Variants in RTF1 observed in about 807,000 individuals in gnomAD.
The protein encoded by RTF1 is RTF1 homolog, Paf1/RNA polymerase II complex component.
RTF1 carries 10 observed loss-of-function variants against 95.7 expected under a neutral mutation model. The ratio of observed to expected loss-of-function variants is 0.10; its 90% confidence interval spans 0.06 to 0.18. RTF1 has a LOEUF of 0.18. Ranked by LOEUF, RTF1 falls within the 10% of genes least tolerant of loss-of-function variation. The pLI is 1.00. For missense variants in RTF1, 458 were observed against 875.6 expected, an observed-to-expected ratio of 0.52 and a Z score of 6.02; for synonymous variants, 305 against 311.8, an observed-to-expected ratio of 0.98 and a Z score of 0.23.
At chr15:41,462,255 C>CT (rs2050853333) in intron 4 of RTF1, among the ~76,000 whole-genome samples, 1 of 152,066 alleles carries the variant, frequency 6.6e-6, no homozygotes, top group Non-Finnish European at 1.5e-5. Flanking sequence ...TCTTTGTAGT[C>CT]TTTTTTATGT....
rs2050981314 is a variant in RTF1, at chr15:41,482,330, A to C, written c.*1643A>C. 6.5e-6 allele frequency: 1 copy of C among 152,718 alleles called. No homozygotes were observed. Among genetic ancestry groups the C allele is most frequent in the Non-Finnish European group, 1.5e-5 (1 of 68,032 alleles). 9.5% of individuals were successfully genotyped at this position (152,718 alleles called of 1,614,324 possible). A position where few individuals can be genotyped will look rare whatever the true frequency, so the allele number is the denominator to read the frequency against. ...AGTACAGCTGACTATATATACCAAG[A>C]GCTAAGCTAAAGGAACAGCTGAGAG... On this transcript the variant is annotated 3_prime_UTR_variant, in exon 18 of 18. Transcript: ENST00000389629.
intron 8 of RTF1, 121 bp downstream of exon 8, chr15:41,471,470 C>A: frequency 9.7e-7 from 1 of 1,027,226 alleles, no homozygotes; most frequent in Non-Finnish European, 1.4e-6. Flanking sequence ...AAGTAGACTC[C>A]AAGTGGGATC....
chr15:41,467,006 G>T (rs892946241), intron 6 of RTF1, among the ~76,000 whole-genome samples: 4 of 152,134 alleles, frequency 2.6e-5, no homozygotes, highest in African/African-American at 9.7e-5. Flanking sequence ...TTAGGTAGTG[G>T]TATGTATTTC....
chr15:41,432,974 C>A (rs184528951), intron 1 of RTF1, among the ~76,000 whole-genome samples: 2 of 149,048 alleles, frequency 1.3e-5, no homozygotes, highest in Non-Finnish European at 3.0e-5. Flanking sequence ...ATACTGAGGT[C>A]GGCTGCGGTG....
chr15:41,452,150 C>T (rs2050792134), intron 2 of RTF1, among the ~76,000 whole-genome samples: 1 of 152,172 alleles, frequency 6.6e-6, no homozygotes, highest in South Asian at 2.1e-4. Context: ...AAAATCTAGG[C>T]TGGGGCCAGG....
At chr15:41,425,187 C>T (rs926680156) in intron 1 of RTF1, among the ~76,000 whole-genome samples, 1 of 151,994 alleles carries the variant, frequency 6.6e-6, no homozygotes, top group Non-Finnish European at 1.5e-5. Flanking sequence ...CTGCAAGCTT[C>T]GCCTCCCGGG....
At chr15:41,450,837 G>T (rs113901239) in intron 2 of RTF1, among the ~76,000 whole-genome samples, 7,789 of 151,950 alleles carry the variant, frequency 0.051, 433 homozygotes, top group African/African-American at 0.14. Context: ...TGTAGTCCCA[G>T]CTACTCAGGA....
At chr15:41,480,173 C>G in intron 16 of RTF1, 41 bp from the exon 17 acceptor site, 1 of 1,283,154 alleles carries the variant, frequency 7.8e-7, no homozygotes, top group Middle Eastern at 1.8e-4. Context: ...AATCCACTTG[C>G]ATTTATGCTC....
At position 41,483,176 on chromosome 15, in the gene RTF1, A is replaced by T. The variant is rs1408940782; in HGVS notation, c.*2489A>T. ...ATCTCAGCTGAGGCAGTGCCTCTGA[A>T]CCAAGATCTTGGTCAGGCATTAAGA... On this transcript the variant is annotated 3_prime_UTR_variant, in exon 18 of 18. Coordinates refer to ENST00000389629, the MANE Select transcript of RTF1 (RefSeq NM_015138.5). The T allele has an allele frequency of 6.6e-6, 1 of 152,466 alleles. No homozygotes were observed. Among genetic ancestry groups the T allele is most frequent in the East Asian group, 1.9e-4 (1 of 5,178 alleles). The allele number at this position is 152,466 out of a possible 1,614,324, so 9.4% of individuals were successfully genotyped here.
At chr15:41,478,412 A>T in intron 14 of RTF1, 136 bp from the exon 15 acceptor site, 2 of 544,074 alleles carry the variant, frequency 3.7e-6, no homozygotes, top group Admixed American at 3.2e-5. Flanking sequence ...AAAAAAATTA[A>T]AAAAAAAAAA....
Position 41,423,911 on chromosome 15 carries a change from C to G in RTF1, c.198+6598C>G, listed in dbSNP as rs368200440. Among the ~76,000 whole-genome samples the G allele has an allele frequency of 1.7e-4, 26 of 152,002 alleles. No individual in the cohort carries two copies. The East Asian group carries it at 3.7e-3, about 22-fold the overall frequency. ...GGGATTACAGGTATGCACCACCATG[C>G]CCGACTAATTTTTGTATTTTTAGTA... On this transcript the variant is annotated intron_variant, in intron 1 of 17. Coordinates refer to ENST00000389629, the MANE Select transcript of RTF1 (RefSeq NM_015138.5).
intron 1 of RTF1, among the ~76,000 whole-genome samples, chr15:41,429,863 A>G (rs2050659857): frequency 6.6e-6 from 1 of 151,630 alleles, no homozygotes; most frequent in Non-Finnish European, 1.5e-5. Flanking sequence ...CTTAACACTT[A>G]CCATTAGATG....
chr15:41,473,835 G>A (rs909406926), intron 8 of RTF1, among the ~76,000 whole-genome samples: 4 of 151,826 alleles, frequency 2.6e-5, no homozygotes, highest in African/African-American at 7.3e-5. Flanking sequence ...TCAGGAGATC[G>A]AGACCATCCT....
chr15:41,437,922 C>A (rs573765399), intron 1 of RTF1, among the ~76,000 whole-genome samples: 7 of 152,148 alleles, frequency 4.6e-5, no homozygotes, highest in Admixed American at 3.9e-4. Flanking sequence ...AACTGCCCCA[C>A]AAATGCCAAT....
chr15:41,425,818 G>A (rs910176676), intron 1 of RTF1, among the ~76,000 whole-genome samples: 4 of 152,178 alleles, frequency 2.6e-5, no homozygotes, highest in Non-Finnish European at 5.9e-5. Flanking sequence ...GGACTGATTA[G>A]ATGTTAGGAT....
At chr15:41,424,490 G>A (rs2050618804) in intron 1 of RTF1, among the ~76,000 whole-genome samples, 2 of 152,166 alleles carry the variant, frequency 1.3e-5, no homozygotes, top group African/African-American at 2.4e-5. Flanking sequence ...AGAGAGAATA[G>A]TACAAATGAA....
At chr15:41,423,755 T>C (rs1448258711) in intron 1 of RTF1, among the ~76,000 whole-genome samples, 4 of 152,060 alleles carry the variant, frequency 2.6e-5, no homozygotes, top group South Asian at 2.1e-4. Context: ...TTTTTATTTA[T>C]TTATTTATTT....
chr15:41,457,079 G>A (rs908007941), intron 3 of RTF1, among the ~76,000 whole-genome samples: 26 of 151,170 alleles, frequency 1.7e-4, no homozygotes, highest in African/African-American at 6.3e-4. Flanking sequence ...GTGAGACTCC[G>A]TCTCAATAAT....
intron 15 of RTF1, 120 bp from the exon 16 acceptor site, chr15:41,478,983 C>G (rs1439119380): frequency 3.2e-6 from 2 of 626,258 alleles, no homozygotes; most frequent in African/African-American, 1.9e-5. Flanking sequence ...GAAAACCCCA[C>G]TAGCTGCTGA....
Sources: gnomAD v4.1 joint callset for allele counts (sites outside exome capture counted in the v4.1 genomes callset) on GRCh38, gnomAD v4.1.1 for gene constraint, MANE v1.5 for transcripts, NCBI Gene and HGNC (gene_info 2026-07-23, HGNC 2026-07-21) for gene names.